Variants in SP100 observed in about 807,000 individuals in gnomAD.
SP100 encodes the protein nuclear autoantigen Sp-100.
Under a neutral mutation model 130.0 loss-of-function variants are expected in SP100, and 84 were observed. The observed-to-expected ratio is 0.65, with a 90% CI of 0.54 to 0.77. The LOEUF is 0.77. SP100 is among the 30% of genes least tolerant of loss of function. The pLI, the probability that SP100 is intolerant of heterozygous loss-of-function variation, is 0.00. For missense variants in SP100, 978 were observed against 1,052.2 expected (o/e 0.93, Z 0.97); for synonymous variants, 331 against 351.7 (o/e 0.94, Z 0.66).
chr2:230,445,592 CT>C (rs5839368), intron 4 of SP100, among the ~76,000 whole-genome samples: 1,630 of 152,260 alleles, frequency 0.011, 19 homozygotes, highest in Middle Eastern at 0.037. Flanking sequence ...CAATACTAAC[CT>C]TATCTAAATT....
chr2:230,496,788 TG>T (rs2066694546), intron 18 of SP100, among the ~76,000 whole-genome samples: 1 of 152,172 alleles, frequency 6.6e-6, no homozygotes, highest in African/African-American at 2.4e-5. Flanking sequence ...ACACTCCTGC[TG>T]GGGTCAACTC....
chr2:230,452,296 G>A (rs1198886806), intron 8 of SP100, among the ~76,000 whole-genome samples: 1 of 151,844 alleles, frequency 6.6e-6, no homozygotes, highest in East Asian at 1.9e-4. Flanking sequence ...TCCTGCCTCA[G>A]CCTCCTGAGT....
intron 24 of SP100, chr2:230,538,135 T>G (rs1692018600): frequency 6.6e-6 from 1 of 152,152 alleles, no homozygotes; most frequent in Admixed American, 6.6e-5. Context: ...GTAATGGGGC[T>G]CCAGAGATGT....
chr2:230,433,100 C>G (rs980333067), intron 2 of SP100, among the ~76,000 whole-genome samples: 2 of 152,130 alleles, frequency 1.3e-5, no homozygotes, highest in African/African-American at 4.8e-5. Flanking sequence ...TTTGTGACTG[C>G]ACAGGATGCA....
At chr2:230,523,695 G>A (rs1691280095) in intron 24 of SP100, among the ~76,000 whole-genome samples, 1 of 152,112 alleles carries the variant, frequency 6.6e-6, no homozygotes. Flanking sequence ...GATCGCCTGA[G>A]GTCAGGAGTT....
chr2:230,505,048 A>C (rs545768501), intron 21 of SP100, among the ~76,000 whole-genome samples: 1 of 152,308 alleles, frequency 6.6e-6, no homozygotes, highest in African/African-American at 2.4e-5. Flanking sequence ...TTTAGCCCAC[A>C]GTGAGTTCTG....
At chr2:230,488,507 A>G (rs1238246186) in intron 17 of SP100, among the ~76,000 whole-genome samples, 3 of 152,068 alleles carry the variant, frequency 2.0e-5, no homozygotes, top group Non-Finnish European at 4.4e-5. Flanking sequence ...TCCGCCTCCC[A>G]GGTTCACGGC....
At position 230,488,402 on chromosome 2, in the gene SP100, T is replaced by G. The variant is rs561617836; in HGVS notation, c.1601-6014T>G. On this transcript the variant is annotated intron_variant, in intron 17 of 28. Transcript: ENST00000340126. ...TGAGAGTTTTTTTTGTTTGTTTGGG[T>G]TTTTGTTGTTTTTGTTGTTGTTGTT... 2.0e-5 allele frequency among the ~76,000 whole-genome samples: 3 copies of G among 152,028 alleles called. No individual in the cohort carries two copies. In the South Asian group the frequency reaches 6.2e-4, roughly 32 times the overall value.
At chr2:230,463,858 A>C in intron 10 of SP100, 1 of 378,486 alleles carries the variant, frequency 2.6e-6, no homozygotes, top group Non-Finnish European at 4.9e-6. Context: ...AGGCCAAGCA[A>C]GGCAAATATT....
chr2:230,438,891 T>C (rs1222896753), intron 2 of SP100, among the ~76,000 whole-genome samples: 2 of 152,190 alleles, frequency 1.3e-5, no homozygotes, highest in African/African-American at 4.8e-5. Flanking sequence ...GTAGTGGGAT[T>C]GCTGGATCAA....
chr2:230,533,972 T>C (rs1691816993), intron 24 of SP100, among the ~76,000 whole-genome samples: 1 of 152,238 alleles, frequency 6.6e-6, no homozygotes, highest in African/African-American at 2.4e-5. Flanking sequence ...AACAAAATTT[T>C]CATATGAGAG....
chr2:230,460,991 T>G (rs1429747920), intron 8 of SP100, among the ~76,000 whole-genome samples: 1 of 146,860 alleles, frequency 6.8e-6, no homozygotes, highest in Non-Finnish European at 1.5e-5. Flanking sequence ...TTTATTCATG[T>G]GTCTTATACT....
At chr2:230,466,437 G>C (rs2064963829) in intron 12 of SP100, 83 bp downstream of exon 12, 1 of 805,098 alleles carries the variant, frequency 1.2e-6, no homozygotes, top group Admixed American at 2.1e-5. Context: ...CTACAAAAGA[G>C]TCAGTCTAAT....
At position 230,442,934 on chromosome 2, in the gene SP100, T is replaced by C; in HGVS notation, c.108-3T>C. 2 of 1,612,810 alleles carry C rather than the reference T, an allele frequency of 1.2e-6. No homozygotes were observed. Among genetic ancestry groups the C allele is most frequent in the Non-Finnish European group, 1.7e-6 (2 of 1,179,446 alleles). ...ATTTTCACATGGTGTCCTTTTTCCC[T>C]AGGATGTTCACGGAAGACCAGGGTG... is the stretch of plus-strand genomic sequence containing the variant. On this transcript the variant is annotated splice_region_variant and splice_polypyrimidine_tract_variant and intron_variant, in intron 2 of 28. Transcript: ENST00000340126.
intron 24 of SP100, chr2:230,515,434 G>A: frequency 6.2e-7 from 1 of 1,613,874 alleles, no homozygotes; most frequent in African/African-American, 1.3e-5. Flanking sequence ...TAACACCGCT[G>A]CAGCTGACAA....
intron 2 of SP100, among the ~76,000 whole-genome samples, chr2:230,423,496 GA>G (rs1433193797): frequency 1.3e-5 from 2 of 151,838 alleles, no homozygotes; most frequent in Non-Finnish European, 2.9e-5. Context: ...ATTAAATCTT[GA>G]TTTTCTTTAT....
intron 24 of SP100, chr2:230,538,656 A>G (rs2150115414): frequency 6.6e-6 from 1 of 152,298 alleles, no homozygotes; most frequent in Admixed American, 6.5e-5. Flanking sequence ...AGTCATGGGG[A>G]CTCTTCCTCC....
intron 1 of SP100, chr2:230,416,974 T>C (rs540592224): frequency 1.3e-6 from 1 of 757,146 alleles, no homozygotes; most frequent in African/African-American, 1.9e-5. Context: ...AAATCCTAAC[T>C]TTTCTCTAGT....
At chr2:230,510,377 A>G (rs7586695) in intron 23 of SP100, 30,341 of 150,558 alleles carry the variant, frequency 0.2, 3,938 homozygotes, top group African/African-American at 0.37. Context: ...GGACACCTGC[A>G]TGGTGTCCAA....
Sources: gnomAD v4.1 joint callset for allele counts (sites outside exome capture counted in the v4.1 genomes callset) on GRCh38, gnomAD v4.1.1 for gene constraint, MANE v1.5 for transcripts, NCBI Gene and HGNC (gene_info 2026-07-23, HGNC 2026-07-21) for gene names.